The following DENND1A variants were observed in gnomAD, a reference collection of about 807,000 sequenced individuals.
DENND1A encodes the protein DENN domain containing 1A, also known as DENN domain-containing protein 1A.
Under a neutral mutation model 113.7 loss-of-function variants are expected in DENND1A, and 51 were observed. That is an observed-to-expected ratio of 0.45 (90% CI 0.36 to 0.57). The LOEUF (loss-of-function observed/expected upper bound fraction) is 0.57, where lower values mean the gene tolerates loss of function less well. Ranked by LOEUF, DENND1A falls within the 20% of genes least tolerant of loss-of-function variation. The pLI is 0.00. For synonymous variants in DENND1A, 565 were observed against 570.8 expected (o/e 0.99, Z 0.14); for missense variants, 1,258 against 1,395.9 (o/e 0.90, Z 1.57).
chr9:123,556,281 G>C (rs2136010293), intron 13 of DENND1A, among the ~76,000 whole-genome samples: 1 of 152,324 alleles, frequency 6.6e-6, no homozygotes, highest in Middle Eastern at 3.4e-3. Context: ...ATAAAAAGGA[G>C]TAGGAGGGTG....
At position 123,526,113 on chromosome 9, in the gene DENND1A, C is replaced by G. The variant is rs2054817307; in HGVS notation, c.993+31457G>C. On this transcript the variant is annotated intron_variant, in intron 13 of 23. Coordinates refer to ENST00000394215, the MANE Select transcript of DENND1A (RefSeq NM_001352964.2). ...TCTCCCCATACCACTGACCCTTCTC[C>G]CTCTATGCCAGTATCACTGCCCAAC... is the stretch of plus-strand genomic sequence containing the variant. 2.6e-5 allele frequency among the ~76,000 whole-genome samples: 4 copies of G among 151,986 alleles called. No individual in the cohort carries two copies. In the South Asian group the frequency reaches 8.3e-4, roughly 32 times the overall value.
chr9:123,925,989 A>C (rs776304896), intron 1 of DENND1A, among the ~76,000 whole-genome samples: 1 of 152,242 alleles, frequency 6.6e-6, no homozygotes, highest in Non-Finnish European at 1.5e-5. Context: ...CACCACAAGC[A>C]ATATTAAACT....
At chr9:123,498,886 C>A (rs1339108777) in intron 13 of DENND1A, among the ~76,000 whole-genome samples, 4 of 152,084 alleles carry the variant, frequency 2.6e-5, no homozygotes, top group Non-Finnish European at 4.4e-5. Flanking sequence ...CCATGCCTGG[C>A]TAGTTTTTGT....
intron 5 of DENND1A, among the ~76,000 whole-genome samples, chr9:123,725,873 C>T (rs922344587): frequency 2.7e-4 from 41 of 152,224 alleles, no homozygotes; most frequent in Non-Finnish European, 7.3e-5. Flanking sequence ...GAAATACCTA[C>T]GTGGCCCCTT....
chr9:123,404,274 G>A (rs1306195979), intron 20 of DENND1A, among the ~76,000 whole-genome samples: 1 of 152,190 alleles, frequency 6.6e-6, no homozygotes, highest in Non-Finnish European at 1.5e-5. Context: ...GTTCGTGATG[G>A]ATGTTAGGCT....
At chr9:123,572,894 AT>A (rs1373671579) in intron 12 of DENND1A, among the ~76,000 whole-genome samples, 2 of 151,934 alleles carry the variant, frequency 1.3e-5, no homozygotes, top group Admixed American at 1.3e-4. Flanking sequence ...ATTCCCTCTC[AT>A]ATTTTTTTTC....
intron 5 of DENND1A, 75 bp from the exon 6 acceptor site, chr9:123,676,864 T>C (rs2064110100): frequency 6.5e-6 from 9 of 1,390,234 alleles, no homozygotes; most frequent in African/African-American, 4.3e-5. Flanking sequence ...AATTCAAGAC[T>C]GATACATTTC....
In DENND1A at chr9:123,795,441, CA is replaced by C. The variant is rs770839555; in HGVS notation, c.89-2812del. ...AGGTCCAAATACAATCTGCTTTTCT[CA>C]AGCAACACAACACCCGCCTTACTAA... On this transcript the variant is annotated intron_variant, in intron 2 of 23. Coordinates refer to ENST00000394215, the MANE Select transcript of DENND1A (RefSeq NM_001352964.2). Among the ~76,000 whole-genome samples, 66 of 152,318 alleles carry C rather than the reference CA, an allele frequency of 4.3e-4. 1 individual carries two copies. Among genetic ancestry groups the C allele is most frequent in the Admixed American group, 1.7e-3 (26 of 15,304 alleles).
intron 11 of DENND1A, among the ~76,000 whole-genome samples, chr9:123,587,064 G>T (rs1483697900): frequency 6.6e-6 from 1 of 151,664 alleles, no homozygotes; most frequent in Non-Finnish European, 1.5e-5. Context: ...GCTGGGTCCA[G>T]GGGGGTCACC....
chr9:123,402,685 A>C (rs1011760283), intron 21 of DENND1A: 2 of 517,778 alleles, frequency 3.9e-6, no homozygotes, highest in Non-Finnish European at 7.9e-6. Flanking sequence ...CCTTTTGCGG[A>C]CAAAGGGAAG....
intron 5 of DENND1A, among the ~76,000 whole-genome samples, chr9:123,712,782 G>A (rs1053764990): frequency 6.6e-6 from 1 of 152,220 alleles, no homozygotes; most frequent in Non-Finnish European, 1.5e-5. Context: ...AGGTGAAAAG[G>A]ATATTAAAAT....
At chr9:123,393,076 G>A (rs867841045) in intron 21 of DENND1A, among the ~76,000 whole-genome samples, 6 of 152,196 alleles carry the variant, frequency 3.9e-5, no homozygotes, top group Middle Eastern at 3.2e-3. Flanking sequence ...GGGCCTTTGG[G>A]CTGGTTCCAC....
At chr9:123,507,790 C>T (rs1033308716) in intron 13 of DENND1A, among the ~76,000 whole-genome samples, 7 of 151,704 alleles carry the variant, frequency 4.6e-5, no homozygotes, top group Non-Finnish European at 5.9e-5. Context: ...GGCCACTGCA[C>T]TGCAGCCTGG....
Position 123,400,388 on chromosome 9 carries a change from T to C in DENND1A, c.1631+3014A>G, listed in dbSNP as rs538808868. ...TAGGTTTTCAAAGATACTTGCTGAA[T>C]GAATGAATGCACGAATGGACAGATG... On this transcript the variant is annotated intron_variant, in intron 21 of 23. Coordinates refer to ENST00000394215, the MANE Select transcript of DENND1A (RefSeq NM_001352964.2). 2.0e-5 allele frequency: 3 copies of C among 152,340 alleles called. No homozygotes were observed. The South Asian group carries it at 6.2e-4, about 32-fold the overall frequency. The allele number at this position is 152,340 out of a possible 1,614,324, so 9.4% of individuals were successfully genotyped here.
chr9:123,800,810 A>G (rs1377427025), intron 2 of DENND1A, among the ~76,000 whole-genome samples: 3 of 152,218 alleles, frequency 2.0e-5, no homozygotes, highest in Non-Finnish European at 4.4e-5. Flanking sequence ...ACTTAGAATA[A>G]TTTTGAAGGC....
At chr9:123,504,251 C>T (rs2052728676) in intron 13 of DENND1A, among the ~76,000 whole-genome samples, 1 of 152,232 alleles carries the variant, frequency 6.6e-6, no homozygotes, top group African/African-American at 2.4e-5. Context: ...ATATCCCCTC[C>T]TCTGGGACAC....
rs138118727 is a variant in DENND1A at position 123,698,216 on chromosome 9, C to T, written c.303-21427G>A. On this transcript the variant is annotated intron_variant, in intron 5 of 23. Transcript: ENST00000394215. Reference sequence around the variant, plus strand: ...AAGTCCAAAGAACAAACCAAGGAGTCGTGAGAAGAGATCCCTTGCTTAAAG... The same window carrying T: ...AAGTCCAAAGAACAAACCAAGGAGTTGTGAGAAGAGATCCCTTGCTTAAAG... Among the ~76,000 whole-genome samples the T allele has an allele frequency of 1.4e-4, 22 of 152,222 alleles. No homozygotes were observed. In the East Asian group the frequency reaches 3.7e-3, roughly 25 times the overall value.
chr9:123,668,629 A>G (rs752189351), intron 7 of DENND1A, among the ~76,000 whole-genome samples: 101 of 152,332 alleles, frequency 6.6e-4, no homozygotes, highest in South Asian at 8.3e-4. Flanking sequence ...TTCCACCATG[A>G]CAGACTGTTA....
chr9:123,587,772 C>T (rs954783653), intron 11 of DENND1A, among the ~76,000 whole-genome samples: 21 of 152,188 alleles, frequency 1.4e-4, no homozygotes, highest in African/African-American at 5.1e-4. Flanking sequence ...TTTGTATTTA[C>T]AATAATCAGG....
Sources: allele counts gnomAD v4.1 joint callset (sites outside exome capture counted in the v4.1 genomes callset), GRCh38; gene constraint gnomAD v4.1.1; transcripts MANE v1.5; gene names NCBI Gene and HGNC (gene_info 2026-07-23, HGNC 2026-07-21).